ZNF804B: variants seen among roughly 807,000 people sequenced by gnomAD.
ZNF804B encodes the protein zinc finger protein 804B, also known as zinc finger 804B.
A neutral mutation model predicts 101.4 loss-of-function variants in ZNF804B; 80 were observed. The observed-to-expected ratio is 0.79, with a 90% CI of 0.66 to 0.95. The LOEUF is 0.95. ZNF804B is among the 40% of genes least tolerant of loss of function. The pLI is 0.00. For synonymous variants in ZNF804B, 622 were observed against 558.8 expected (o/e 1.11, Z -1.59); for missense variants, 1,673 against 1,561.9 (o/e 1.07, Z -1.20).
At chr7:88,909,317 A>G (rs1430822615) in intron 1 of ZNF804B, among the ~76,000 whole-genome samples, 1 of 151,790 alleles carries the variant, frequency 6.6e-6, no homozygotes, top group Non-Finnish European at 1.5e-5. Context: ...TTTCTATGAC[A>G]CTTGTAGGTG....
intron 1 of ZNF804B, among the ~76,000 whole-genome samples, chr7:88,854,432 T>TTTCTTTCTTTCC (rs1791507903): frequency 8.2e-6 from 1 of 122,580 alleles, no homozygotes; most frequent in Admixed American, 8.8e-5. Flanking sequence ...TCTTTCTTTC[T>TTTCTTTCTTTCC]TTCTTTCTTT....
intron 2 of ZNF804B, among the ~76,000 whole-genome samples, chr7:89,236,105 T>C (rs577570322): frequency 1.3e-5 from 2 of 152,260 alleles, no homozygotes; most frequent in South Asian, 4.1e-4. Flanking sequence ...GGTAAATTTT[T>C]ATCATTACTT....
intron 1 of ZNF804B, among the ~76,000 whole-genome samples, chr7:88,825,576 T>C (rs1791040647): frequency 6.6e-6 from 1 of 152,074 alleles, no homozygotes; most frequent in Non-Finnish European, 1.5e-5. Flanking sequence ...CAAAGTAATA[T>C]AACAGAATCC....
chr7:89,077,247 A>C (rs767088656), intron 1 of ZNF804B, among the ~76,000 whole-genome samples: 4 of 152,154 alleles, frequency 2.6e-5, no homozygotes, highest in Non-Finnish European at 4.4e-5. Flanking sequence ...GAAAGTATAA[A>C]AGCCTAGAGG....
intron 2 of ZNF804B, among the ~76,000 whole-genome samples, chr7:89,248,910 A>G (rs1239534115): frequency 6.6e-6 from 1 of 152,120 alleles, no homozygotes; most frequent in Non-Finnish European, 1.5e-5. Context: ...TCACAGTAGC[A>G]GCACCTATAC....
intron 2 of ZNF804B, among the ~76,000 whole-genome samples, chr7:89,264,807 G>A (rs1010333960): frequency 2.6e-5 from 4 of 152,036 alleles, no homozygotes; most frequent in Admixed American, 6.6e-5. Flanking sequence ...ACTCTCACTG[G>A]CACATCTCCA....
intron 2 of ZNF804B, among the ~76,000 whole-genome samples, chr7:89,222,699 A>G (rs990536456): frequency 6.6e-6 from 1 of 151,880 alleles, no homozygotes; most frequent in African/African-American, 2.4e-5. Flanking sequence ...CTCTTTTTCA[A>G]CACATACTTC....
chr7:89,019,901 G>C (rs1202639306), intron 1 of ZNF804B, among the ~76,000 whole-genome samples: 1 of 152,026 alleles, frequency 6.6e-6, no homozygotes, highest in Non-Finnish European at 1.5e-5. Flanking sequence ...TATTTATTCA[G>C]CCAGTGGATA....
intron 1 of ZNF804B, among the ~76,000 whole-genome samples, chr7:88,785,205 T>C (rs1047014736): frequency 1.3e-5 from 2 of 152,116 alleles, no homozygotes; most frequent in Admixed American, 6.6e-5. Context: ...AAACCCAAAC[T>C]GTTGCTCCTC....
chr7:89,129,364 A>G (rs1056740691), intron 1 of ZNF804B, among the ~76,000 whole-genome samples: 1 of 152,048 alleles, frequency 6.6e-6, no homozygotes, highest in Non-Finnish European at 1.5e-5. Flanking sequence ...ATTAAAATCA[A>G]TGCTCAGTTT....
intron 1 of ZNF804B, among the ~76,000 whole-genome samples, chr7:89,178,406 T>C (rs1272190408): frequency 6.6e-6 from 1 of 152,094 alleles, no homozygotes; most frequent in Non-Finnish European, 1.5e-5. Context: ...TCTTGATTTT[T>C]ATTTTTTGTG....
rs1554386387 is a variant in ZNF804B, at chr7:89,265,293, T to TGC, written c.249+47002_249+47003dup. The stretch of plus-strand genomic sequence containing the variant: ...GTGTGTGTGTGTGTGTGTGTGTGTG[T>TGC]GCGCGTGCGCGCGCGCACACATGCA... On this transcript the variant is annotated intron_variant, in intron 2 of 3. Coordinates refer to ENST00000333190, the MANE Select transcript of ZNF804B (RefSeq NM_181646.5). 2.4e-4 allele frequency among the ~76,000 whole-genome samples: 29 copies of TGC among 120,606 alleles called. 2 individuals carry two copies. In the South Asian group the frequency reaches 2.5e-3, roughly 11 times the overall value. 79.1% of individuals were successfully genotyped at this position (120,606 alleles called of 152,430 possible).
chr7:88,992,514 T>C (rs1793861335), intron 1 of ZNF804B, among the ~76,000 whole-genome samples: 1 of 152,104 alleles, frequency 6.6e-6, no homozygotes, highest in African/African-American at 2.4e-5. Flanking sequence ...CAGGATGTCA[T>C]AAGATATCAT....
At chr7:88,902,823 A>C (rs1245107468) in intron 1 of ZNF804B, among the ~76,000 whole-genome samples, 1 of 152,160 alleles carries the variant, frequency 6.6e-6, no homozygotes, top group Non-Finnish European at 1.5e-5. Flanking sequence ...AGTAAAAATA[A>C]GAAACAAATG....
At chr7:89,011,325 CA>C (rs1788458512) in intron 1 of ZNF804B, among the ~76,000 whole-genome samples, 1 of 152,102 alleles carries the variant, frequency 6.6e-6, no homozygotes, top group Non-Finnish European at 1.5e-5. Context: ...GACACAGAGC[CA>C]AACCATATCA....
chr7:88,974,317 G>T (rs573340107), intron 1 of ZNF804B, among the ~76,000 whole-genome samples: 1 of 151,362 alleles, frequency 6.6e-6, no homozygotes, highest in South Asian at 2.1e-4. Context: ...TGGACAACAT[G>T]TTGACTACAG....
intron 2 of ZNF804B, among the ~76,000 whole-genome samples, chr7:89,244,387 G>A (rs1420638321): frequency 6.6e-6 from 1 of 151,932 alleles, no homozygotes; most frequent in Non-Finnish European, 1.5e-5. Context: ...TTAATATTAC[G>A]AGTTTTAAAA....
At chr7:89,224,997 T>G (rs1407784304) in intron 2 of ZNF804B, among the ~76,000 whole-genome samples, 1 of 152,108 alleles carries the variant, frequency 6.6e-6, no homozygotes, top group Non-Finnish European at 1.5e-5. Flanking sequence ...GTAGTTTCCT[T>G]CTACCTTATG....
intron 2 of ZNF804B, among the ~76,000 whole-genome samples, chr7:89,270,845 A>C (rs902195715): frequency 6.6e-6 from 1 of 152,112 alleles, no homozygotes; most frequent in Non-Finnish European, 1.5e-5. Context: ...ATGGGAGTTC[A>C]CTCATGATTT....
Sources: allele counts gnomAD v4.1 joint callset (sites outside exome capture counted in the v4.1 genomes callset), GRCh38; gene constraint gnomAD v4.1.1; transcripts MANE v1.5; gene names NCBI Gene and HGNC (gene_info 2026-07-23, HGNC 2026-07-21).